OSBPL6: variants seen among roughly 807,000 people sequenced by gnomAD.
OSBPL6 encodes oxysterol-binding protein-related protein 6.
Under a neutral mutation model 125.8 loss-of-function variants are expected in OSBPL6, and 49 were observed. The ratio of observed to expected loss-of-function variants is 0.39; its 90% CI spans 0.31 to 0.49. OSBPL6 has a LOEUF of 0.49. OSBPL6 is among the 20% of genes least tolerant of loss of function. The pLI is 0.88. For missense variants in OSBPL6, 986 were observed against 1,135.4 expected, an observed-to-expected ratio of 0.87 and a Z score of 1.89; for synonymous variants, 394 against 391.8, an observed-to-expected ratio of 1.01 and a Z score of -0.07.
intron 21 of OSBPL6, among the ~76,000 whole-genome samples, 186 bp downstream of exon 21, chr2:178,389,339 T>C (rs186821976): frequency 6.6e-6 from 1 of 152,272 alleles, no homozygotes; most frequent in East Asian, 1.9e-4. Flanking sequence ...TCTGAACATA[T>C]GGAGGTCAAA....
intron 1 of OSBPL6, among the ~76,000 whole-genome samples, chr2:178,284,421 C>T (rs1036316157): frequency 4.6e-5 from 7 of 152,172 alleles, no homozygotes; most frequent in Middle Eastern, 3.4e-3. Context: ...GGCATGATGG[C>T]GTGTGCCTGT....
chr2:178,204,025 C>CTTTTTTT (rs1166160655), intron 1 of OSBPL6, among the ~76,000 whole-genome samples: 80 of 128,958 alleles, frequency 6.2e-4, no homozygotes, highest in East Asian at 8.7e-4. Flanking sequence ...TTTTCTTTTT[C>CTTTTTTT]TTTTTTTTTT....
At chr2:178,237,701 C>A (rs1487883177) in intron 1 of OSBPL6, among the ~76,000 whole-genome samples, 1 of 152,178 alleles carries the variant, frequency 6.6e-6, no homozygotes. Flanking sequence ...CAACCCTGGC[C>A]TCTACCCACC....
chr2:178,394,529 A>G, intron 24 of OSBPL6, 94 bp downstream of exon 24: 1 of 1,420,758 alleles, frequency 7.0e-7, no homozygotes, highest in Non-Finnish European at 9.5e-7. Context: ...AAATGGGTAA[A>G]TGGATTTTGG....
chr2:178,336,592 C>T (rs938607235), intron 9 of OSBPL6, among the ~76,000 whole-genome samples, 159 bp downstream of exon 9: 2 of 152,068 alleles, frequency 1.3e-5, no homozygotes, highest in Non-Finnish European at 2.9e-5. Context: ...TTTTATGCAC[C>T]AGCTCCTTCT....
chr2:178,381,839 G>A (rs1192819574), intron 15 of OSBPL6, among the ~76,000 whole-genome samples: 3 of 152,074 alleles, frequency 2.0e-5, no homozygotes, highest in Non-Finnish European at 2.9e-5. Context: ...CTTCACTGTC[G>A]GGCCCTCTTG....
In OSBPL6 at chr2:178,363,977, C is replaced by T. The variant is rs144066215; in HGVS notation, c.1287+2162C>T. On this transcript the variant is annotated intron_variant, in intron 13 of 24. Coordinates refer to ENST00000190611, the MANE Select transcript of OSBPL6 (RefSeq NM_032523.4). Reference sequence around the variant, plus strand: ...GTGTGTGTCCATGCCTTCCCCTCGGCGTAGTCGCACCCCCACTGGCCATCT... The same window carrying T: ...GTGTGTGTCCATGCCTTCCCCTCGGTGTAGTCGCACCCCCACTGGCCATCT... 1.3e-3 allele frequency among the ~76,000 whole-genome samples: 199 copies of T among 152,200 alleles called. 1 individual carries two copies. The highest frequency in any genetic ancestry group is 1.9e-3 in the Non-Finnish European group (126 of 68,030).
intron 15 of OSBPL6, among the ~76,000 whole-genome samples, chr2:178,379,293 AAAG>A (rs199673778): frequency 7.0e-6 from 1 of 143,758 alleles, no homozygotes; most frequent in African/African-American, 2.5e-5. Flanking sequence ...GAAAAGAAAG[AAAG>A]AAGAAAGAAA....
At chr2:178,281,023 T>C (rs990931348) in intron 1 of OSBPL6, among the ~76,000 whole-genome samples, 7 of 151,304 alleles carry the variant, frequency 4.6e-5, no homozygotes, top group African/African-American at 1.2e-4. Flanking sequence ...TTTTTTTTTT[T>C]TTTTCTTTTG....
intron 12 of OSBPL6, among the ~76,000 whole-genome samples, chr2:178,349,908 C>T (rs1691087848): frequency 6.6e-6 from 1 of 152,196 alleles, no homozygotes; most frequent in Non-Finnish European, 1.5e-5. Flanking sequence ...TAGCTTCCCT[C>T]CTGTGCCTAG....
At chr2:178,294,586 A>G (rs80119738) in intron 2 of OSBPL6, among the ~76,000 whole-genome samples, 1,935 of 152,278 alleles carry the variant, frequency 0.013, 34 homozygotes, top group African/African-American at 0.044. Context: ...ATGATGATTA[A>G]GGGATAACAT....
At chr2:178,280,302 A>C (rs1684026861) in intron 1 of OSBPL6, among the ~76,000 whole-genome samples, 1 of 152,224 alleles carries the variant, frequency 6.6e-6, no homozygotes, top group Non-Finnish European at 1.5e-5. Context: ...TGGAATGTGA[A>C]TGTGACTATA....
intron 1 of OSBPL6, among the ~76,000 whole-genome samples, chr2:178,262,854 C>CTGT (rs2092107754): frequency 1.3e-5 from 2 of 152,142 alleles, no homozygotes; most frequent in Admixed American, 1.3e-4. Flanking sequence ...TCACTTTAAA[C>CTGT]TGTTTCTAAG....
intron 23 of OSBPL6, among the ~76,000 whole-genome samples, chr2:178,393,163 C>T (rs1294488337): frequency 2.0e-5 from 3 of 152,104 alleles, no homozygotes; most frequent in Non-Finnish European, 4.4e-5. Context: ...TATAATCAGT[C>T]CTCACCCAGT....
intron 1 of OSBPL6, among the ~76,000 whole-genome samples, chr2:178,251,633 G>A (rs1294674723): frequency 6.6e-6 from 1 of 152,146 alleles, no homozygotes; most frequent in Non-Finnish European, 1.5e-5. Flanking sequence ...AAGGCTCACA[G>A]AAGTTTTAGT....
Position 178,337,544 on chromosome 2 carries a change from G to A in OSBPL6, c.790+1111G>A, listed in dbSNP as rs142733411. Among the ~76,000 whole-genome samples, 27 of 152,328 alleles carry A rather than the reference G, an allele frequency of 1.8e-4. No individual in the cohort carries two copies. In the East Asian group the frequency reaches 5.2e-3, roughly 29 times the overall value. On this transcript the variant is annotated intron_variant, in intron 9 of 24. Transcript: ENST00000190611. The stretch of plus-strand genomic sequence containing the variant: ...CATGGCCCAGGTGAAGGCTCTAGCA[G>A]GGTGATGAGACATAGCGCAGTAAGT...
At chr2:178,198,752 G>A (rs899452327) in intron 1 of OSBPL6, among the ~76,000 whole-genome samples, 5 of 152,126 alleles carry the variant, frequency 3.3e-5, no homozygotes, top group Non-Finnish European at 7.4e-5. Context: ...CATACTATTA[G>A]GGCTTAACTC....
chr2:178,247,367 G>A (rs1178039237), intron 1 of OSBPL6, among the ~76,000 whole-genome samples: 1 of 152,092 alleles, frequency 6.6e-6, no homozygotes, highest in African/African-American at 2.4e-5. Context: ...AGTTTGGAGT[G>A]TTGTGTTAGA....
In OSBPL6 at chr2:178,400,957, G is replaced by A. The variant is rs984052508; in HGVS notation, c.*5398G>A. The A allele has an allele frequency of 7.2e-5, 11 of 151,734 alleles. No homozygotes were observed. The highest frequency in any genetic ancestry group is 1.9e-4 in the East Asian group (1 of 5,190). The allele number at this position is 151,734 out of a possible 1,614,324, so 9.4% of individuals were successfully genotyped here. A position where few individuals can be genotyped will look rare whatever the true frequency, so the allele number is the denominator to read the frequency against. ...CATTAAGTCCTAGTTCTGGTAGCCCGGTACAAATTTTAGATTTTCCCCCAA... is the reference window on the plus strand; with the variant it reads ...CATTAAGTCCTAGTTCTGGTAGCCCAGTACAAATTTTAGATTTTCCCCCAA... On this transcript the variant is annotated 3_prime_UTR_variant, in exon 25 of 25. Coordinates refer to ENST00000190611, the MANE Select transcript of OSBPL6 (RefSeq NM_032523.4).
Sources: gnomAD v4.1 joint callset for allele counts (sites outside exome capture counted in the v4.1 genomes callset) on GRCh38, gnomAD v4.1.1 for gene constraint, MANE v1.5 for transcripts, NCBI Gene and HGNC (gene_info 2026-07-23, HGNC 2026-07-21) for gene names.